BLMH: variants seen among roughly 807,000 people sequenced by gnomAD.
BLMH encodes the protein BLM hydrolase.
A neutral mutation model predicts 61.6 loss-of-function variants in BLMH; 32 were observed. The observed-to-expected ratio is 0.52, with a 90% CI of 0.39 to 0.70. BLMH has a LOEUF of 0.70. Among genes scored for constraint, BLMH ranks in the 30% least tolerant of loss-of-function variants. The probability of loss-of-function intolerance (pLI) is 0.00; values close to 1 mark genes in which losing one functional copy is unlikely to be tolerated. For synonymous variants in BLMH, 183 were observed against 193.8 expected, an observed-to-expected ratio of 0.94 and a Z score of 0.46; for missense variants, 460 against 555.5, an observed-to-expected ratio of 0.83 and a Z score of 1.73.
intron 11 of BLMH, among the ~76,000 whole-genome samples, chr17:30,262,692 G>C (rs1907989592): frequency 1.3e-5 from 2 of 152,192 alleles, no homozygotes; most frequent in African/African-American, 4.8e-5. Flanking sequence ...CTACTTGGGA[G>C]GCTGAGGCAG....
chr17:30,282,648 G>A (rs1037530555), intron 6 of BLMH, among the ~76,000 whole-genome samples: 6 of 152,166 alleles, frequency 3.9e-5, no homozygotes, highest in African/African-American at 7.2e-5. Context: ...AGCAGCCTGC[G>A]TCTCACTTCT....
chr17:30,274,781 A>G (rs1182020022), intron 6 of BLMH, among the ~76,000 whole-genome samples: 1 of 152,116 alleles, frequency 6.6e-6, no homozygotes, highest in Non-Finnish European at 1.5e-5. Context: ...CAGGAGTTCA[A>G]GACCAGCCTG....
chr17:30,287,956 T>A lies in BLMH; in HGVS notation c.322-9A>T. 1 of 1,600,930 alleles carries A rather than the reference T, an allele frequency of 6.2e-7. No homozygotes were observed. On this transcript the variant is annotated splice_polypyrimidine_tract_variant and intron_variant, in intron 3 of 11. Coordinates refer to ENST00000261714, the MANE Select transcript of BLMH (RefSeq NM_000386.4). ...AAATAACAGCGTTCAACCTAAAGAGTAAAGAAAGTTAAATAACATTAAAAG... is the reference window on the plus strand; with the variant it reads ...AAATAACAGCGTTCAACCTAAAGAGAAAAGAAAGTTAAATAACATTAAAAG...
In BLMH at chr17:30,249,125, G is replaced by A. The variant is rs778139216; in HGVS notation, c.1260C>T (p.Tyr420=). 10 of 1,613,920 alleles carry A rather than the reference G, an allele frequency of 6.2e-6. No individual in the cohort carries two copies. The Admixed American group carries it at 6.7e-5, about 11-fold the overall frequency. ...MTDEWFSEYV[Y]EVVVDRKHVP... ...CATGCTTCCTGTCCACCACCACTTCGTAGACATACTCAGAGAACCACTCAT... is the reference window on the plus strand; with the variant it reads ...CATGCTTCCTGTCCACCACCACTTCATAGACATACTCAGAGAACCACTCAT... The change falls in exon 12 of 12, where the codon TAC becomes TAT. Residue 420 remains tyrosine, a synonymous_variant. Transcript: ENST00000261714.
chr17:30,282,381 T>C (rs1189595989), intron 6 of BLMH, among the ~76,000 whole-genome samples: 1 of 152,112 alleles, frequency 6.6e-6, no homozygotes, highest in Non-Finnish European at 1.5e-5. Context: ...TATGCCCAGA[T>C]GTTTTTTTCG....
chr17:30,257,936 C>A (rs1411498593), intron 11 of BLMH, among the ~76,000 whole-genome samples: 1 of 152,188 alleles, frequency 6.6e-6, no homozygotes, highest in Admixed American at 6.5e-5. Flanking sequence ...TGCTCACAAA[C>A]CCCATATCAA....
intron 11 of BLMH, among the ~76,000 whole-genome samples, chr17:30,255,109 C>T (rs773898417): frequency 3.3e-5 from 5 of 152,138 alleles, no homozygotes; most frequent in East Asian, 3.8e-4. Flanking sequence ...AGTAAATCTT[C>T]GTGCACAGCC....
rs1021055828 is a variant in BLMH at position 30,272,816 on chromosome 17, C to A, written c.885G>T (p.Gly295=). The A allele has an allele frequency of 1.9e-6, 3 of 1,614,006 alleles. No individual in the cohort carries two copies. The highest frequency in any genetic ancestry group is 1.7e-5 in the Admixed American group (1 of 60,000). The change falls in exon 8 of 12, where the codon GGG becomes GGT. Residue 295 remains glycine (G), a synonymous_variant. Transcript: ENST00000261714. ...TVEYLSNMVG[G]RKTLYNNQPI... ...GCTGGTTGTTGTATAGAGTTTTTCT[C>A]CCTCCAACCATATTGCTTAAGTATT...
rs746264097 is a variant in BLMH at position 30,285,505 on chromosome 17, T to G, written c.553-25A>C. On this transcript the variant is annotated intron_variant, in intron 5 of 11. Coordinates refer to ENST00000261714, the MANE Select transcript of BLMH (RefSeq NM_000386.4). ...TCTATGACAGAAACTTATTCAGCACTCCAACAGTTACCCGAATTCAATTGT... is the reference window on the plus strand; with the variant it reads ...TCTATGACAGAAACTTATTCAGCACGCCAACAGTTACCCGAATTCAATTGT... 1.5e-5 allele frequency: 23 copies of G among 1,560,480 alleles called. No homozygotes were observed. In the South Asian group the frequency reaches 2.3e-4, roughly 16 times the overall value.
chr17:30,254,746 A>G (rs1276185839), intron 11 of BLMH, among the ~76,000 whole-genome samples: 1 of 152,228 alleles, frequency 6.6e-6, no homozygotes, highest in Non-Finnish European at 1.5e-5. Flanking sequence ...AAAGGAGGAG[A>G]AAGAGAAGAC....
chr17:30,271,968 C>G (rs953900389), intron 9 of BLMH, among the ~76,000 whole-genome samples: 11 of 152,132 alleles, frequency 7.2e-5, no homozygotes, highest in African/African-American at 2.7e-4. Context: ...TTTTAAACCT[C>G]ATTAATTCTT....
chr17:30,272,820 C>T lies in BLMH; in HGVS notation c.881G>A (p.Gly294Glu). 6.2e-7 allele frequency: 1 copy of T among 1,614,160 alleles called. No homozygotes were observed. Among genetic ancestry groups the T allele is most frequent in the Admixed American group, 1.7e-5 (1 of 60,016 alleles). The change falls in exon 8 of 12, where the codon GGA (glycine) becomes GAA (glutamate). Residue 294 changes from glycine (G) to glutamate (E), a missense_variant. Gly to Glu is a moderately conservative substitution (Grantham distance 98). Around this residue, in one of 5 missense-constraint regions of BLMH, gnomAD observed 310 missense variants for 371.1 expected, o/e 0.84. Transcript: ENST00000261714. ...GTTGTTGTATAGAGTTTTTCTCCCT[C>T]CAACCATATTGCTTAAGTATTCCAC... is the stretch of plus-strand genomic sequence containing the variant. ...YTVEYLSNMV[G>E]GRKTLYNNQP...
At chr17:30,266,019 T>C (rs907028748) in intron 11 of BLMH, among the ~76,000 whole-genome samples, 7 of 152,224 alleles carry the variant, frequency 4.6e-5, no homozygotes, top group Non-Finnish European at 7.4e-5. Flanking sequence ...TACTGTGTTA[T>C]TTTGTTTAGT....
chr17:30,250,198 C>G (rs994621239), intron 11 of BLMH: 1 of 152,118 alleles, frequency 6.6e-6, no homozygotes, highest in Non-Finnish European at 1.5e-5. Flanking sequence ...ACTAAGACCC[C>G]AAAAGCAAAT....
intron 11 of BLMH, among the ~76,000 whole-genome samples, chr17:30,256,038 C>T (rs1907805177): frequency 6.6e-6 from 1 of 152,174 alleles, no homozygotes; most frequent in Admixed American, 6.5e-5. Flanking sequence ...AGACGTGCGC[C>T]TCCTCACCCA....
At chr17:30,271,892 T>G (rs1908281811) in intron 9 of BLMH, among the ~76,000 whole-genome samples, 1 of 152,120 alleles carries the variant, frequency 6.6e-6, no homozygotes, top group Non-Finnish European at 1.5e-5. Context: ...GTGAGAGAGG[T>G]CCTTGCATGT....
At chr17:30,289,567 G>C (rs920223992) in intron 2 of BLMH, 85 bp from the exon 3 acceptor site, 20 of 824,056 alleles carry the variant, frequency 2.4e-5, no homozygotes, top group Non-Finnish European at 3.7e-5. Context: ...ATGAACTCAT[G>C]ACACGATCTG....
intron 11 of BLMH, among the ~76,000 whole-genome samples, chr17:30,250,919 A>T (rs1464742533): frequency 2.0e-5 from 3 of 152,244 alleles, no homozygotes; most frequent in African/African-American, 7.2e-5. Flanking sequence ...AAGGAAAAAA[A>T]TAATGTATTT....
chr17:30,277,952 A>G (rs940945336), intron 6 of BLMH, among the ~76,000 whole-genome samples: 2 of 151,968 alleles, frequency 1.3e-5, no homozygotes, highest in Non-Finnish European at 2.9e-5. Flanking sequence ...TTCTAGTAAA[A>G]CTTTGTAACT....
Sources: allele counts gnomAD v4.1 joint callset (sites outside exome capture counted in the v4.1 genomes callset), GRCh38; gene constraint gnomAD v4.1.1; regional missense constraint gnomAD v4.1.1; transcripts MANE v1.5; gene names NCBI Gene and HGNC (gene_info 2026-07-23, HGNC 2026-07-21).